The following PDXDC1 variants were observed in gnomAD, a reference collection of about 807,000 sequenced individuals.
PDXDC1 encodes pyridoxal dependent decarboxylase domain containing 1.
Under a neutral mutation model 100.1 loss-of-function variants are expected in PDXDC1, and 42 were observed. The ratio of observed to expected loss-of-function variants is 0.42; its 90% CI spans 0.33 to 0.54. The LOEUF (loss-of-function observed/expected upper bound fraction) is 0.54, where lower values mean the gene tolerates loss of function less well. Ranked by LOEUF, PDXDC1 falls within the 20% of genes least tolerant of loss-of-function variation. The pLI, the probability that PDXDC1 is intolerant of heterozygous loss-of-function variation, is 0.10. For missense variants in PDXDC1, 636 were observed against 979.2 expected, an observed-to-expected ratio of 0.65 and a Z score of 4.68; for synonymous variants, 260 against 371.7, an observed-to-expected ratio of 0.70 and a Z score of 3.46.
intron 16 of PDXDC1, among the ~76,000 whole-genome samples, chr16:15,124,642 G>A (rs1369384418): frequency 6.6e-6 from 1 of 150,732 alleles, no homozygotes; most frequent in African/African-American, 2.4e-5. Context: ...TGCGGTGGTG[G>A]GCGCCTGTAG....
chr16:15,072,048 T>C (rs558432784), intron 16 of PDXDC1, among the ~76,000 whole-genome samples: 1 of 152,110 alleles, frequency 6.6e-6, no homozygotes, highest in African/African-American at 2.4e-5. Flanking sequence ...ATGCCAATCA[T>C]GGAAAAAAAC....
intron 16 of PDXDC1, among the ~76,000 whole-genome samples, chr16:15,102,892 G>A (rs2046611834): frequency 6.7e-6 from 1 of 149,302 alleles, no homozygotes; most frequent in African/African-American, 2.6e-5. Flanking sequence ...TGAGCTGATT[G>A]AGCCATTGCA....
At chr16:14,998,098 T>G (rs1972391943) in intron 2 of PDXDC1, among the ~76,000 whole-genome samples, 1 of 152,280 alleles carries the variant, frequency 6.6e-6, no homozygotes, top group South Asian at 2.1e-4. Flanking sequence ...TATTATATAT[T>G]CAGGTCATAT....
At chr16:15,015,541 C>A (rs2041723355) in intron 8 of PDXDC1, among the ~76,000 whole-genome samples, 1 of 152,138 alleles carries the variant, frequency 6.6e-6, no homozygotes, top group Non-Finnish European at 1.5e-5. Flanking sequence ...GTAGTGAAAC[C>A]CCGTCTCTAC....
At chr16:15,065,536 A>G (rs2044932515) in intron 16 of PDXDC1, among the ~76,000 whole-genome samples, 1 of 152,240 alleles carries the variant, frequency 6.6e-6, no homozygotes, top group Non-Finnish European at 1.5e-5. Context: ...CTTTTAGGGT[A>G]CCGTTCTATG....
intron 16 of PDXDC1, among the ~76,000 whole-genome samples, chr16:15,082,096 T>G (rs888652069): frequency 2.0e-5 from 3 of 152,208 alleles, no homozygotes; most frequent in African/African-American, 7.2e-5. Flanking sequence ...ATGCTTTTAA[T>G]TCTTTTTCTT....
chr16:15,133,198 G>A (rs1382664382), intron 16 of PDXDC1: 3 of 1,092,310 alleles, frequency 2.7e-6, no homozygotes, highest in South Asian at 2.6e-5. Flanking sequence ...CTCCAGGCAG[G>A]GGTACAGGTC....
At position 15,130,134 on chromosome 16, in the gene PDXDC1, G is replaced by C. The variant is rs2047970466; in HGVS notation, c.1400-8745G>C. ...TCACGTGCAAGCTGTGCCTTCTCAG[G>C]ATAGAGCCGAGCCCACCCAGGCCCT... On this transcript the variant is annotated intron_variant, in intron 16 of 16. Transcript: ENST00000535621. 3.0e-6 allele frequency: 4 copies of C among 1,342,804 alleles called. No homozygotes were observed. In the African/African-American group the frequency reaches 4.3e-5, roughly 14 times the overall value. 83.2% of individuals were successfully genotyped at this position (1,342,804 alleles called of 1,614,324 possible). A position where few individuals can be genotyped will look rare whatever the true frequency, so the allele number is the denominator to read the frequency against.
At chr16:14,989,806 C>T (rs1396623587) in intron 1 of PDXDC1, 1 of 1,535,172 alleles carries the variant, frequency 6.5e-7, no homozygotes, top group Non-Finnish European at 8.7e-7. Context: ...AAGTCCGGCG[C>T]CACGGCGGGC....
intron 16 of PDXDC1, chr16:15,086,222 C>T (rs1277477950): frequency 5.0e-6 from 8 of 1,584,338 alleles, no homozygotes; most frequent in Non-Finnish European, 6.0e-6. Context: ...AAATACTCTT[C>T]CACTACTGTT....
intron 16 of PDXDC1, among the ~76,000 whole-genome samples, chr16:15,063,637 G>C (rs1335331474): frequency 6.7e-6 from 1 of 148,914 alleles, no homozygotes; most frequent in Non-Finnish European, 1.5e-5. Context: ...CCTGGGAGAC[G>C]GAGCTTGCAG....
intron 8 of PDXDC1, among the ~76,000 whole-genome samples, chr16:15,013,650 G>A (rs1284047379): frequency 6.6e-6 from 1 of 152,274 alleles, no homozygotes; most frequent in Middle Eastern, 3.2e-3. Flanking sequence ...GCTGAGGCAG[G>A]CAGATCACAA....
intron 16 of PDXDC1, among the ~76,000 whole-genome samples, chr16:15,102,984 T>G (rs1405467487): frequency 2.1e-5 from 3 of 144,594 alleles, no homozygotes; most frequent in Admixed American, 6.8e-5. Flanking sequence ...GGCGTGTGCC[T>G]GTAGTCTCAG....
At position 15,094,184 on chromosome 16, in the gene PDXDC1, G is replaced by A. The variant is rs142932327; in HGVS notation, c.1400-44695G>A. On this transcript the variant is annotated intron_variant, in intron 16 of 16. Coordinates refer to the PDXDC1 transcript ENST00000535621. ...GCCCAGCTTCTTAACTGCAGAGGACGAAGCGGCCGCATCTCCCGGCAAACG... is the reference window on the plus strand; with the variant it reads ...GCCCAGCTTCTTAACTGCAGAGGACAAAGCGGCCGCATCTCCCGGCAAACG... 2.2e-4 allele frequency: 358 copies of A among 1,601,958 alleles called. No homozygotes were observed. The African/African-American group carries it at 3.7e-3, about 16-fold the overall frequency.
chr16:15,011,519 A>G (rs556539161), intron 8 of PDXDC1, among the ~76,000 whole-genome samples: 884 of 152,080 alleles, frequency 5.8e-3, no homozygotes, highest in Non-Finnish European at 8.0e-3. Context: ...AAATATGTGA[A>G]CCATAAATTG....
chr16:15,032,025 G>A (rs778422723), intron 17 of PDXDC1, 119 bp downstream of exon 17: 17 of 890,976 alleles, frequency 1.9e-5, no homozygotes, highest in South Asian at 5.2e-5. Flanking sequence ...TATGCTTAAC[G>A]AAAATGCAAC....
At position 15,037,926 on chromosome 16, in the gene PDXDC1, G is replaced by A; in HGVS notation, c.*1651G>A. 1.5e-6 allele frequency: 1 copy of A among 684,914 alleles called. No homozygotes were observed. The highest frequency in any genetic ancestry group is 4.3e-4 in the Middle Eastern group (1 of 2,322). 42.4% of individuals were successfully genotyped at this position (684,914 alleles called of 1,614,324 possible). A position where few individuals can be genotyped will look rare whatever the true frequency, so the allele number is the denominator to read the frequency against. On this transcript the variant is annotated 3_prime_UTR_variant, in exon 23 of 23. Coordinates refer to ENST00000396410, the MANE Select transcript of PDXDC1 (RefSeq NM_015027.4). ...CATTTGAAAGACACTGAGGAGGGAA[G>A]GAGGCCTAAGACCCAACAGATGTAG...
downstream of PDXDC1, among the ~76,000 whole-genome samples, chr16:15,143,586 G>A (rs916251270): frequency 8.5e-5 from 13 of 152,200 alleles, no homozygotes; most frequent in African/African-American, 3.1e-4. Flanking sequence ...CAGTTGGCGC[G>A]AGGGTGGGTG....
intron 16 of PDXDC1, among the ~76,000 whole-genome samples, chr16:15,075,781 C>A (rs1044186313): frequency 2.0e-5 from 3 of 152,138 alleles, no homozygotes; most frequent in African/African-American, 7.2e-5. Flanking sequence ...CTGGTGCCCA[C>A]CATGGCGGGT....
Sources: gnomAD v4.1 joint callset for allele counts (sites outside exome capture counted in the v4.1 genomes callset) on GRCh38, gnomAD v4.1.1 for gene constraint, MANE v1.5 for transcripts, NCBI Gene and HGNC (gene_info 2026-07-23, HGNC 2026-07-21) for gene names.